TRIM24: variants seen among roughly 807,000 people sequenced by gnomAD.
The protein encoded by TRIM24 is tripartite motif containing 24, also known as transcription intermediary factor 1-alpha.
A neutral mutation model predicts 123.9 loss-of-function variants in TRIM24; 29 were observed. The ratio of observed to expected loss-of-function variants is 0.23; its 90% CI spans 0.17 to 0.32. TRIM24 has a LOEUF of 0.32. Ranked by LOEUF, TRIM24 falls within the 10% of genes least tolerant of loss-of-function variation. The pLI, the probability that TRIM24 is intolerant of heterozygous loss-of-function variation, is 1.00. For synonymous variants in TRIM24, 456 were observed against 461.1 expected, an observed-to-expected ratio of 0.99 and a Z score of 0.14; for missense variants, 932 against 1,295.3, an observed-to-expected ratio of 0.72 and a Z score of 4.31.
chr7:138,480,745 T>C (rs1795508052), intron 1 of TRIM24, among the ~76,000 whole-genome samples: 1 of 152,322 alleles, frequency 6.6e-6, no homozygotes, highest in East Asian at 1.9e-4. Flanking sequence ...TGTATGTTCC[T>C]GTTGGCTCAG....
Position 138,568,429 on chromosome 7 carries a change from C to T in TRIM24, c.1704+775C>T, listed in dbSNP as rs145028209. 8.1e-3 allele frequency among the ~76,000 whole-genome samples: 929 copies of T among 114,956 alleles called. 14 individuals carry two copies. The highest frequency in any genetic ancestry group is 0.045 in the South Asian group (141 of 3,146). The allele number at this position is 114,956 out of a possible 152,430, so 75.4% of individuals were successfully genotyped here. On this transcript the variant is annotated intron_variant, in intron 10 of 18. Transcript: ENST00000343526. Reference sequence around the variant, plus strand: ...TTTTTTAAAGTCTCTCTCTGTCACTCAGGCTAGAGTACAGTGGCATGATCT... The same window carrying T: ...TTTTTTAAAGTCTCTCTCTGTCACTTAGGCTAGAGTACAGTGGCATGATCT...
intron 6 of TRIM24, among the ~76,000 whole-genome samples, chr7:138,532,814 T>A (rs551656070): frequency 3.9e-5 from 6 of 152,326 alleles, no homozygotes; most frequent in African/African-American, 7.2e-5. Context: ...AGTATGGCCA[T>A]TTTCACAATA....
intron 1 of TRIM24, chr7:138,461,314 C>T (rs780519624): frequency 1.9e-6 from 1 of 514,190 alleles, no homozygotes; most frequent in South Asian, 1.5e-5. Flanking sequence ...TCCATATGAT[C>T]CTGATCATCT....
chr7:138,553,679 C>G (rs2116634451), intron 8 of TRIM24, among the ~76,000 whole-genome samples: 1 of 152,230 alleles, frequency 6.6e-6, no homozygotes, highest in East Asian at 1.9e-4. Flanking sequence ...AGTAAAGATT[C>G]AGAAATACTT....
At chr7:138,546,934 T>C (rs1797113354) in intron 7 of TRIM24, among the ~76,000 whole-genome samples, 2 of 152,160 alleles carry the variant, frequency 1.3e-5, no homozygotes, top group African/African-American at 4.8e-5. Context: ...CACTTTTGGG[T>C]ATATATTCAA....
At chr7:138,543,352 A>G (rs1250504939) in intron 7 of TRIM24, among the ~76,000 whole-genome samples, 1 of 152,228 alleles carries the variant, frequency 6.6e-6, no homozygotes, top group African/African-American at 2.4e-5. Flanking sequence ...ATGCATTTCT[A>G]GTAGCAGCTG....
intron 12 of TRIM24, among the ~76,000 whole-genome samples, chr7:138,574,332 C>T (rs1438897558): frequency 3.9e-5 from 6 of 152,088 alleles, no homozygotes; most frequent in African/African-American, 7.2e-5. Context: ...CTTCTGAGGA[C>T]GTAGGTACCT....
chr7:138,505,412 A>AC (rs551207435), intron 2 of TRIM24, among the ~76,000 whole-genome samples: 158 of 152,332 alleles, frequency 1.0e-3, no homozygotes, highest in African/African-American at 3.7e-3. Context: ...TGTGAAAGAC[A>AC]CCATGTCTTT....
At chr7:138,560,275 C>CTA (rs142766316) in intron 9 of TRIM24, among the ~76,000 whole-genome samples, 2,777 of 152,286 alleles carry the variant, frequency 0.018, 70 homozygotes, top group African/African-American at 0.061. Flanking sequence ...AGATCTTGAG[C>CTA]TATTTCGGCT....
chr7:138,516,297 G>A (rs553832045), intron 3 of TRIM24, among the ~76,000 whole-genome samples: 26 of 152,146 alleles, frequency 1.7e-4, no homozygotes, highest in South Asian at 1.2e-3. Flanking sequence ...GCGAGACTCC[G>A]TCTCAAAAAA....
intron 4 of TRIM24, among the ~76,000 whole-genome samples, chr7:138,519,890 A>G (rs1363318372): frequency 2.0e-5 from 3 of 152,112 alleles, no homozygotes; most frequent in African/African-American, 7.2e-5. Context: ...CAGTCATTCA[A>G]AGGTCAGCAA....
At chr7:138,518,064 A>C (rs1426397019) in intron 3 of TRIM24, among the ~76,000 whole-genome samples, 2 of 152,254 alleles carry the variant, frequency 1.3e-5, no homozygotes, top group Admixed American at 6.5e-5. Context: ...TAAATGATTT[A>C]TAATTTTCAT....
intron 12 of TRIM24, among the ~76,000 whole-genome samples, chr7:138,575,041 A>T (rs1330127970): frequency 6.6e-6 from 1 of 152,302 alleles, no homozygotes; most frequent in East Asian, 1.9e-4. Flanking sequence ...TAAACAGATT[A>T]TTTACCTATT....
At chr7:138,543,345 C>T (rs1000000823) in intron 7 of TRIM24, among the ~76,000 whole-genome samples, 5 of 152,170 alleles carry the variant, frequency 3.3e-5, no homozygotes, top group African/African-American at 1.2e-4. Context: ...AGCACTGATG[C>T]ATTTCTAGTA....
chr7:138,508,700 C>CGCGCGCGCGCGCGTGTGTGAGTGTGT (rs1182276337), intron 2 of TRIM24, among the ~76,000 whole-genome samples: 1 of 35,574 alleles, frequency 2.8e-5, no homozygotes, highest in Non-Finnish European at 8.0e-5. Context: ...TGTGCGCGCG[C>CGCGCGCGCGCGCGTGTGTGAGTGTGT]GTGTGTGCGT....
chr7:138,577,315 T>TA, intron 13 of TRIM24, 105 bp from the exon 14 acceptor site: 1 of 878,916 alleles, frequency 1.1e-6, no homozygotes, highest in Non-Finnish European at 1.6e-6. Context: ...TTAACATACT[T>TA]ATTGTTGTGA....
At position 138,508,694 on chromosome 7, in the gene TRIM24, C is replaced by CGTGTGT. The variant is rs1554436629; in HGVS notation, c.483+4287_483+4288insTGTGTG. 9.9e-3 allele frequency among the ~76,000 whole-genome samples: 303 copies of CGTGTGT among 30,658 alleles called. 2 individuals are homozygous for CGTGTGT. Among genetic ancestry groups the CGTGTGT allele is most frequent in the African/African-American group, 0.023 (265 of 11,634 alleles). 20.1% of individuals were successfully genotyped at this position (30,658 alleles called of 152,430 possible). ...GTGTGTGTGTGTGTGTGTGTGTGTGCGCGCGCGTGTGTGCGTGTGTGTGTG... is the reference window on the plus strand; with the variant it reads ...GTGTGTGTGTGTGTGTGTGTGTGTGCGTGTGTGCGCGCGTGTGTGCGTGTGTGTGTG... On this transcript the variant is annotated intron_variant, in intron 2 of 18. Transcript: ENST00000343526.
chr7:138,526,892 T>C (rs1358880391), intron 5 of TRIM24, among the ~76,000 whole-genome samples: 1 of 152,174 alleles, frequency 6.6e-6, no homozygotes, highest in Non-Finnish European at 1.5e-5. Context: ...AGAGAGATAA[T>C]TATAGGCATT....
At chr7:138,501,870 A>G (rs1490058703) in intron 1 of TRIM24, among the ~76,000 whole-genome samples, 1 of 151,182 alleles carries the variant, frequency 6.6e-6, no homozygotes, top group African/African-American at 2.4e-5. Flanking sequence ...CCTGGGAGAC[A>G]GGGCAAGACT....
Sources: gnomAD v4.1 joint callset for allele counts (sites outside exome capture counted in the v4.1 genomes callset) on GRCh38, gnomAD v4.1.1 for gene constraint, MANE v1.5 for transcripts, NCBI Gene and HGNC (gene_info 2026-07-23, HGNC 2026-07-21) for gene names.